The following INKA2 variants were observed in gnomAD, a reference collection of about 807,000 sequenced individuals.
The protein encoded by INKA2 is inka box actin regulator 2, also known as PAK4-inhibitor INKA2.
A neutral mutation model predicts 9.8 loss-of-function variants in INKA2; 3 were observed. The ratio of observed to expected loss-of-function variants is 0.31; its 90% CI spans 0.14 to 0.79. INKA2 has a LOEUF of 0.79. INKA2 is among the 30% of genes least tolerant of loss of function. The pLI is 0.62. For missense variants in INKA2, 392 were observed against 384.4 expected, an observed-to-expected ratio of 1.02 and a Z score of -0.17; for synonymous variants, 147 against 143.3, an observed-to-expected ratio of 1.03 and a Z score of -0.18.
chr1:111,732,562 C>G (rs1662931242), intron 1 of INKA2, among the ~76,000 whole-genome samples: 1 of 139,400 alleles, frequency 7.2e-6, no homozygotes, highest in South Asian at 2.3e-4. Context: ...TAGTCTCTCT[C>G]TCTGTTACAC....
rs1432181382 is a variant in INKA2 at position 111,722,767 on chromosome 1, C to T, written c.*4201G>A. ...GCTACAATCCTGTGAGATATTAAAT[C>T]AATATAAATGTTTCGACAGAAGAAG... On this transcript the variant is annotated 3_prime_UTR_variant, in exon 2 of 2. Coordinates refer to ENST00000357260, the MANE Select transcript of INKA2 (RefSeq NM_019099.5). 2 of 325,842 alleles carry T rather than the reference C, an allele frequency of 6.1e-6. No individual in the cohort carries two copies. Among genetic ancestry groups the T allele is most frequent in the Non-Finnish European group, 1.1e-5 (2 of 175,858 alleles). The allele number at this position is 325,842 out of a possible 1,614,324, so 20.2% of individuals were successfully genotyped here. A position where few individuals can be genotyped will look rare whatever the true frequency, so the allele number is the denominator to read the frequency against.
At chr1:111,743,923 A>G (rs1663203549), upstream of INKA2, among the ~76,000 whole-genome samples, 1 of 152,160 alleles carries the variant, frequency 6.6e-6, no homozygotes, top group South Asian at 2.1e-4. Flanking sequence ...AGATAAACAC[A>G]TGCTGTTGGA....
chr1:111,739,373 C>G lies in INKA2; in HGVS notation c.-131G>C. 1 of 1,520,244 alleles carries G rather than the reference C, an allele frequency of 6.6e-7. No individual in the cohort carries two copies. Among genetic ancestry groups the G allele is most frequent in the African/African-American group, 1.4e-5 (1 of 71,172 alleles). The allele number at this position is 1,520,244 out of a possible 1,614,324, so 94.2% of individuals were successfully genotyped here. A position where few individuals can be genotyped will look rare whatever the true frequency, so the allele number is the denominator to read the frequency against. On this transcript the variant is annotated 5_prime_UTR_variant, in exon 1 of 2. Transcript: ENST00000357260. Reference sequence around the variant, plus strand: ...CTCGCAGCGCGGAGCTGAGCCTGCGCTCCGAGCCCGGGACTCAGAGTCGCT... The same window carrying G: ...CTCGCAGCGCGGAGCTGAGCCTGCGGTCCGAGCCCGGGACTCAGAGTCGCT...
intron 1 of INKA2, chr1:111,754,071 G>C (rs1236215148): frequency 6.6e-6 from 1 of 152,150 alleles, no homozygotes; most frequent in Non-Finnish European, 1.5e-5. Flanking sequence ...GATGATAAAG[G>C]GATCTAAAAT....
intron 1 of INKA2, 82 bp from the exon 2 acceptor site, chr1:111,727,886 AC>A: frequency 4.5e-6 from 6 of 1,319,938 alleles, no homozygotes; most frequent in Non-Finnish European, 6.5e-6. Context: ...TAGGTCCCCC[AC>A]CCAAACATAC....
upstream of INKA2, among the ~76,000 whole-genome samples, chr1:111,741,488 G>A (rs1026224419): frequency 2.0e-5 from 3 of 152,198 alleles, no homozygotes; most frequent in African/African-American, 7.2e-5. Flanking sequence ...GGACACAGCT[G>A]TGGTTTCCAG....
rs1200641283 is a variant in INKA2, at chr1:111,723,423, G to A, written c.*3545C>T. ...AGAAAGGGAGGAGGGAGACCAGGCC[G>A]GCCCCACTAGCATGCCCAGCAGGGA... On this transcript the variant is annotated 3_prime_UTR_variant, in exon 2 of 2. Coordinates refer to ENST00000357260, the MANE Select transcript of INKA2 (RefSeq NM_019099.5). 9 of 286,992 alleles carry A rather than the reference G, an allele frequency of 3.1e-5. No homozygotes were observed. Among genetic ancestry groups the A allele is most frequent in the Admixed American group, 1.5e-4 (2 of 13,570 alleles). 17.8% of individuals were successfully genotyped at this position (286,992 alleles called of 1,614,324 possible).
At position 111,722,290 on chromosome 1, in the gene INKA2, TAGG is replaced by T. The variant is rs1662666366; in HGVS notation, c.*4675_*4677del. 2 of 152,364 alleles carry T rather than the reference TAGG, an allele frequency of 1.3e-5. No homozygotes were observed. Among genetic ancestry groups the T allele is most frequent in the South Asian group, 2.1e-4 (1 of 4,810 alleles). 9.4% of individuals were successfully genotyped at this position (152,364 alleles called of 1,614,324 possible). On this transcript the variant is annotated 3_prime_UTR_variant, in exon 2 of 2. Coordinates refer to ENST00000357260, the MANE Select transcript of INKA2 (RefSeq NM_019099.5). ...CACCCCATCAGGAGGGAATGGATTTTAGGAGGACAGCCACAGCACCTTTAGGCC... is the reference window on the plus strand; with the variant it reads ...CACCCCATCAGGAGGGAATGGATTTTAGGACAGCCACAGCACCTTTAGGCC...
chr1:111,724,982 CAAA>C lies in INKA2; in HGVS notation c.*1983_*1985del, dbSNP rs1397482060. ...TACCTGACAGACAGTGAGTGCTCAA[CAAA>C]ACCCAAAAAGCATGAGCGCCTTCCT... On this transcript the variant is annotated 3_prime_UTR_variant, in exon 2 of 2. Transcript: ENST00000357260. The C allele has an allele frequency of 6.6e-6, 1 of 152,164 alleles. No homozygotes were observed. Among genetic ancestry groups the C allele is most frequent in the Non-Finnish European group, 1.5e-5 (1 of 68,052 alleles). 9.4% of individuals were successfully genotyped at this position (152,164 alleles called of 1,614,324 possible).
intron 1 of INKA2, among the ~76,000 whole-genome samples, chr1:111,733,569 T>C (rs1662955220): frequency 1.3e-5 from 2 of 152,158 alleles, no homozygotes. Flanking sequence ...TCCCTTTCAC[T>C]GAGTCATCTG....
chr1:111,739,466 TTCAGGGGGGC>T, upstream of INKA2: 2 of 1,392,204 alleles, frequency 1.4e-6, no homozygotes, highest in Non-Finnish European at 1.9e-6. Context: ...CCAATGAGAA[TTCAGGGGGGC>T]TGTCTTCAGC....
At chr1:111,748,180 T>C (rs139095787) in intron 1 of INKA2, among the ~76,000 whole-genome samples, 1 of 152,216 alleles carries the variant, frequency 6.6e-6, no homozygotes, top group Non-Finnish European at 1.5e-5. Context: ...TGACGGCCCA[T>C]GAAGCAAGCT....
rs60867844 is a variant in INKA2, at chr1:111,728,038, T to TACACACACACACACACACACACACACAC, written c.58-262_58-235dup. Among the ~76,000 whole-genome samples the TACACACACACACACACACACACACACAC allele has an allele frequency of 5.9e-4, 65 of 109,502 alleles. 1 individual carries two copies. The highest frequency in any genetic ancestry group is 1.4e-3 in the African/African-American group (45 of 31,468). The allele number at this position is 109,502 out of a possible 152,430, so 71.8% of individuals were successfully genotyped here. A position where few individuals can be genotyped will look rare whatever the true frequency, so the allele number is the denominator to read the frequency against. Reference sequence around the variant, plus strand: ...GTCCTGAGAAGGCTCCCCCACCCCATACACACACACACACACACACACACA... The same window carrying TACACACACACACACACACACACACACAC: ...GTCCTGAGAAGGCTCCCCCACCCCATACACACACACACACACACACACACACACACACACACACACACACACACACACA... On this transcript the variant is annotated intron_variant, in intron 1 of 1. Coordinates refer to ENST00000357260, the MANE Select transcript of INKA2 (RefSeq NM_019099.5).
chr1:111,737,565 C>A lies in INKA2; in HGVS notation c.57+1621G>T, dbSNP rs1367742200. ...ATTATCTGTGATGACCTTGAGCTTT[C>A]TTTCTGGTACTGCACACATAAATGG... On this transcript the variant is annotated intron_variant, in intron 1 of 1. Coordinates refer to ENST00000357260, the MANE Select transcript of INKA2 (RefSeq NM_019099.5). Among the ~76,000 whole-genome samples the A allele has an allele frequency of 2.6e-5, 4 of 152,178 alleles. No homozygotes were observed. The East Asian group carries it at 7.7e-4, about 29-fold the overall frequency.
chr1:111,743,046 A>AC (rs1421588216), upstream of INKA2, among the ~76,000 whole-genome samples: 4 of 152,198 alleles, frequency 2.6e-5, no homozygotes, highest in Non-Finnish European at 5.9e-5. Context: ...CTTTTTAAAA[A>AC]AGGATTTAAG....
At chr1:111,753,519 T>A (rs150436985) in intron 1 of INKA2, among the ~76,000 whole-genome samples, 1 of 152,324 alleles carries the variant, frequency 6.6e-6, no homozygotes, top group African/African-American at 2.4e-5. Flanking sequence ...CTGTAAAACA[T>A]CAAAAACAAC....
chr1:111,753,016 G>A (rs967961334), intron 1 of INKA2: 2 of 152,354 alleles, frequency 1.3e-5, no homozygotes, highest in East Asian at 1.9e-4. Context: ...TTTCCTCTGG[G>A]TTCAGAAGCC....
chr1:111,755,404 C>A lies in INKA2; in HGVS notation n.124+297G>T, dbSNP rs1294224105. The A allele has an allele frequency of 3.3e-5, 16 of 486,326 alleles. No homozygotes were observed. In the Admixed American group the frequency reaches 5.2e-4, roughly 16 times the overall value. The allele number at this position is 486,326 out of a possible 1,614,324, so 30.1% of individuals were successfully genotyped here. ...CACACCAGCCAATGTGGTAAATAAA[C>A]CCTTGGGTCCAGCTACGTTCTGCGC... On this transcript the variant is annotated intron_variant and non_coding_transcript_variant, in intron 1 of 1. Coordinates refer to the INKA2 transcript ENST00000444059.
chr1:111,730,474 G>A (rs927563533), intron 1 of INKA2, among the ~76,000 whole-genome samples: 6 of 152,094 alleles, frequency 3.9e-5, no homozygotes, highest in African/African-American at 7.2e-5. Flanking sequence ...CGCCAGACAC[G>A]TGAGCACCTG....
Sources: allele counts gnomAD v4.1 joint callset (sites outside exome capture counted in the v4.1 genomes callset), GRCh38; gene constraint gnomAD v4.1.1; transcripts MANE v1.5; gene names NCBI Gene and HGNC (gene_info 2026-07-23, HGNC 2026-07-21).